POU3F3: variants seen among roughly 807,000 people sequenced by gnomAD.
The protein encoded by POU3F3 is POU class 3 homeobox 3, also known as POU domain, class 3, transcription factor 3.
Under a neutral mutation model 8.6 loss-of-function variants are expected in POU3F3, and 1 was observed. The observed-to-expected ratio is 0.12, with a 90% CI of 0.04 to 0.55. The LOEUF is 0.55. POU3F3 is among the 20% of genes least tolerant of loss of function. The pLI is 0.91. For synonymous variants in POU3F3, 418 were observed against 327.4 expected (o/e 1.28, Z -2.99); for missense variants, 577 against 690.7 (o/e 0.84, Z 1.84).
At chr2:104,860,752 C>CT (rs1178339577), downstream of POU3F3, among the ~76,000 whole-genome samples, 369 of 50,278 alleles carry the variant, frequency 7.3e-3, 23 homozygotes, top group African/African-American at 0.013. Context: ...GTTGCTCTGC[C>CT]TTTTTTTTTT....
At chr2:104,923,363 G>C in the POU3F3 span, among the ~76,000 whole-genome samples, 1 of 152,274 alleles carries the variant, frequency 6.6e-6, no homozygotes, top group South Asian at 2.1e-4. Flanking sequence ...ATTTAAACAT[G>C]TAAGTTTGTA....
the POU3F3 span, among the ~76,000 whole-genome samples, chr2:104,912,043 C>T: frequency 3.9e-3 from 592 of 152,282 alleles, 4 homozygotes; most frequent in African/African-American, 0.014. Context: ...TGGGTGTGCA[C>T]GCCACTCACA....
the POU3F3 span, among the ~76,000 whole-genome samples, chr2:104,916,825 C>T: frequency 6.6e-6 from 1 of 152,250 alleles, no homozygotes; most frequent in Non-Finnish European, 1.5e-5. Flanking sequence ...TCTTATGGAT[C>T]AACTTGACTG....
the POU3F3 span, among the ~76,000 whole-genome samples, chr2:104,896,024 C>T: frequency 1.8e-4 from 27 of 152,228 alleles, no homozygotes; most frequent in African/African-American, 6.0e-4. Flanking sequence ...CACAAGGGCT[C>T]GGTAGCTGGG....
the POU3F3 span, among the ~76,000 whole-genome samples, chr2:104,883,558 C>T: frequency 1.6e-4 from 25 of 152,174 alleles, no homozygotes; most frequent in Non-Finnish European, 2.9e-4. Flanking sequence ...TACACAGCAG[C>T]TTTGGACTCT....
chr2:104,855,097 G>A lies in POU3F3; in HGVS notation c.-414G>A, dbSNP rs1279207373. Among the ~76,000 whole-genome samples the A allele has an allele frequency of 6.6e-6, 1 of 151,850 alleles. No homozygotes were observed. The highest frequency in any genetic ancestry group is 1.5e-5 in the Non-Finnish European group (1 of 67,914). On this transcript the variant is annotated 5_prime_UTR_variant, in exon 1 of 1. Transcript: ENST00000361360. ...GTCCCCGCCCCGCCCGGCGAGCCCC[G>A]CTGGAGCGAGCCCAGCGCGCCGGGG...
the POU3F3 span, among the ~76,000 whole-genome samples, chr2:104,912,338 C>T: frequency 6.6e-6 from 1 of 152,162 alleles, no homozygotes; most frequent in Non-Finnish European, 1.5e-5. Flanking sequence ...CATCATTGGC[C>T]ACTCCGCCCT....
chr2:104,920,192 T>C, the POU3F3 span, among the ~76,000 whole-genome samples: 7 of 152,284 alleles, frequency 4.6e-5, no homozygotes, highest in East Asian at 7.7e-4. Context: ...CTTTTGTATT[T>C]TTAGTAGAGA....
chr2:104,900,925 G>T, the POU3F3 span, among the ~76,000 whole-genome samples: 1 of 152,222 alleles, frequency 6.6e-6, no homozygotes, highest in African/African-American at 2.4e-5. Flanking sequence ...ATGCTGTGCA[G>T]TTCCTGCCCA....
At chr2:104,898,504 G>T in the POU3F3 span, among the ~76,000 whole-genome samples, 2 of 152,088 alleles carry the variant, frequency 1.3e-5, no homozygotes, top group South Asian at 4.1e-4. Flanking sequence ...TTCCCATGTA[G>T]AATAGAAATT....
chr2:104,862,842 C>T (rs1676682821), downstream of POU3F3, among the ~76,000 whole-genome samples: 1 of 152,152 alleles, frequency 6.6e-6, no homozygotes, highest in African/African-American at 2.4e-5. Context: ...AGCAACCCGA[C>T]TTTGGATCAC....
At chr2:104,878,915 C>T in the POU3F3 span, among the ~76,000 whole-genome samples, 76 of 152,002 alleles carry the variant, frequency 5.0e-4, no homozygotes, top group Non-Finnish European at 9.6e-4. Flanking sequence ...ACACAACACA[C>T]TCACAACATG....
chr2:104,877,664 T>C, the POU3F3 span, among the ~76,000 whole-genome samples: 2 of 149,104 alleles, frequency 1.3e-5, no homozygotes, highest in African/African-American at 4.9e-5. Context: ...TTTTTTCTTT[T>C]TTTTTTTTTT....
chr2:104,919,655 T>C, the POU3F3 span, among the ~76,000 whole-genome samples: 4 of 152,198 alleles, frequency 2.6e-5, no homozygotes, highest in Non-Finnish European at 5.9e-5. Flanking sequence ...AACTGAATGA[T>C]AGCATTTGGA....
the POU3F3 span, among the ~76,000 whole-genome samples, chr2:104,870,353 G>A: frequency 6.6e-6 from 1 of 152,210 alleles, no homozygotes; most frequent in African/African-American, 2.4e-5. Flanking sequence ...GCCACCCAGT[G>A]CTCAAAAAGT....
chr2:104,855,420 CGCGGCGGCGGCGGCG>C lies in POU3F3; in HGVS notation c.-79_-65del, dbSNP rs1184145745. 4.3e-3 allele frequency: 2,122 copies of C among 495,528 alleles called. 2 individuals are homozygous for C. The highest frequency in any genetic ancestry group is 4.7e-3 in the Non-Finnish European group (1,969 of 419,450). 30.7% of individuals were successfully genotyped at this position (495,528 alleles called of 1,614,324 possible). A position where few individuals can be genotyped will look rare whatever the true frequency, so the allele number is the denominator to read the frequency against. On this transcript the variant is annotated 5_prime_UTR_variant, in exon 1 of 1. Coordinates refer to ENST00000361360, the MANE Select transcript of POU3F3 (RefSeq NM_006236.3). ...GGGGGAGGAGGCGGGAGGCGGGGGG[CGCGGCGGCGGCGGCG>C]GCGGCGGCGGCCGCGGCTGCTGCTG...
the POU3F3 span, among the ~76,000 whole-genome samples, chr2:104,895,549 G>A: frequency 6.6e-6 from 1 of 152,150 alleles, no homozygotes; most frequent in South Asian, 2.1e-4. Context: ...TGATACTACG[G>A]AAGCCACAAA....
At chr2:104,913,807 T>C in the POU3F3 span, among the ~76,000 whole-genome samples, 1 of 152,238 alleles carries the variant, frequency 6.6e-6, no homozygotes, top group Non-Finnish European at 1.5e-5. Context: ...TTCTTGTTAC[T>C]GGGATGAATA....
At chr2:104,920,368 C>T in the POU3F3 span, among the ~76,000 whole-genome samples, 1 of 152,196 alleles carries the variant, frequency 6.6e-6, no homozygotes, top group Non-Finnish European at 1.5e-5. Context: ...ATGTTACAGA[C>T]ATTGAGTTCT....
Sources: allele counts gnomAD v4.1 joint callset (sites outside exome capture counted in the v4.1 genomes callset), GRCh38; gene constraint gnomAD v4.1.1; transcripts MANE v1.5; gene names NCBI Gene and HGNC (gene_info 2026-07-23, HGNC 2026-07-21).